The following TKT variants were observed in gnomAD, a reference collection of about 807,000 sequenced individuals.
TKT encodes epididymis luminal protein 107.
TKT carries 47 observed loss-of-function variants against 63.9 expected under a neutral mutation model. The observed-to-expected ratio is 0.74, with a 90% CI of 0.58 to 0.94. The LOEUF (loss-of-function observed/expected upper bound fraction) is 0.94. Ranked by LOEUF, TKT falls within the 40% of genes least tolerant of loss-of-function variation. TKT has a pLI of 0.00. For missense variants in TKT, 721 were observed against 846.2 expected, an observed-to-expected ratio of 0.85 and a Z score of 1.84; for synonymous variants, 338 against 334.1, an observed-to-expected ratio of 1.01 and a Z score of -0.13.
intron 1 of TKT, chr3:53,243,702 C>A: frequency 2.2e-6 from 1 of 447,560 alleles, no homozygotes; most frequent in Non-Finnish European, 4.5e-6. Context: ...GCTCCCAGTG[C>A]CAGCTTCAAC....
chr3:53,226,718 T>C (rs1553675574), intron 13 of TKT, 38 bp downstream of exon 13: 2 of 1,613,694 alleles, frequency 1.2e-6, no homozygotes, highest in Admixed American at 1.7e-5. Flanking sequence ...TCTCTGGCCC[T>C]GTCCCTTGCC....
At chr3:53,245,619 T>C (rs547998511) in intron 1 of TKT, among the ~76,000 whole-genome samples, 1 of 152,022 alleles carries the variant, frequency 6.6e-6, no homozygotes, top group South Asian at 2.1e-4. Context: ...ACCCCGTCTC[T>C]ACTAAAAATA....
chr3:53,236,785 C>T (rs1233744200), intron 4 of TKT, among the ~76,000 whole-genome samples: 1 of 152,222 alleles, frequency 6.6e-6, no homozygotes, highest in Non-Finnish European at 1.5e-5. Context: ...CCTACAGGGC[C>T]ATCAGGCTCA....
intron 1 of TKT, among the ~76,000 whole-genome samples, chr3:53,253,362 G>T (rs999617920): frequency 6.6e-6 from 1 of 152,068 alleles, no homozygotes; most frequent in Non-Finnish European, 1.5e-5. Context: ...ATGCTGCAGT[G>T]TGTGGCATGT....
intron 7 of TKT, 116 bp from the exon 8 acceptor site, chr3:53,230,737 A>T: frequency 7.9e-7 from 1 of 1,264,352 alleles, no homozygotes; most frequent in Non-Finnish European, 1.1e-6. Flanking sequence ...GAAGCCCTGG[A>T]GCACAAGGTC....
rs1475851495 is a variant in TKT at position 53,231,484 on chromosome 3, T to C, written c.815A>G (p.Gln272Arg). 4.3e-6 allele frequency: 7 copies of C among 1,614,064 alleles called. No homozygotes were observed. The highest frequency in any genetic ancestry group is 1.3e-5 in the African/African-American group (1 of 74,914). The change falls in exon 7 of 14, where the codon CAG (glutamine) becomes CGG (arginine). Residue 272 changes from glutamine (Q) to arginine (R), a missense_variant. Gln to Arg is a conservative substitution (Grantham distance 43, BLOSUM62 1). Coordinates refer to ENST00000462138, the MANE Select transcript of TKT (RefSeq NM_001064.4). Reference sequence around the variant, plus strand: ...GCTCTGGATCTGGCTGTAGATCTCCTGGATGATCTGCTCAGCCATGTTTTT... The same window carrying C: ...GCTCTGGATCTGGCTGTAGATCTCCCGGATGATCTGCTCAGCCATGTTTTT... ...LPKNMAEQIIQEIYSQIQSKK... is the reference protein window; with the variant it reads ...LPKNMAEQIIREIYSQIQSKK...
At chr3:53,232,585 G>A (rs1213927276) in intron 6 of TKT, 2 of 398,548 alleles carry the variant, frequency 5.0e-6, no homozygotes, top group African/African-American at 2.1e-5. Flanking sequence ...CCCAGGCCTA[G>A]GAATCTGAAG....
chr3:53,243,568 C>T, intron 1 of TKT: 1 of 456,626 alleles, frequency 2.2e-6, no homozygotes, highest in Admixed American at 2.3e-5. Context: ...CGCACACGAT[C>T]ATCTTATACT....
chr3:53,228,667 C>G, intron 10 of TKT: 1 of 502,362 alleles, frequency 2.0e-6, no homozygotes, highest in South Asian at 2.1e-5. Flanking sequence ...GGGTCTGTGG[C>G]ATGCAGCTCC....
At chr3:53,250,256 G>A (rs1233952912) in intron 1 of TKT, among the ~76,000 whole-genome samples, 2 of 152,208 alleles carry the variant, frequency 1.3e-5, no homozygotes, top group African/African-American at 4.8e-5. Context: ...GGCCCAGAGA[G>A]GCGGAGCCAC....
intron 4 of TKT, among the ~76,000 whole-genome samples, chr3:53,237,493 TATACAC>T (rs1559652149): frequency 3.2e-5 from 3 of 93,740 alleles, no homozygotes; most frequent in African/African-American, 4.4e-5. Flanking sequence ...GATTTTATAT[TATACAC>T]ACACACACAC....
At chr3:53,245,664 A>T (rs1362683317) in intron 1 of TKT, among the ~76,000 whole-genome samples, 1 of 152,094 alleles carries the variant, frequency 6.6e-6, no homozygotes, top group Non-Finnish European at 1.5e-5. Context: ...ACATGCCTAT[A>T]ATCCCAGCTA....
chr3:53,238,051 G>A (rs3821692), intron 4 of TKT: 24,312 of 152,184 alleles, frequency 0.16, 2,092 homozygotes, highest in Non-Finnish European at 0.19. Context: ...CGCTACCTCC[G>A]GGTGCCTGGC....
chr3:53,243,219 G>A (rs1343853201), intron 1 of TKT, among the ~76,000 whole-genome samples: 1 of 151,962 alleles, frequency 6.6e-6, no homozygotes, highest in Non-Finnish European at 1.5e-5. Context: ...CTGCTTCCCA[G>A]CAGGAAGCGC....
intron 6 of TKT, chr3:53,232,102 C>G: frequency 2.7e-6 from 1 of 367,602 alleles, no homozygotes; most frequent in Non-Finnish European, 4.8e-6. Context: ...GCCAGGAAGG[C>G]TGAATATCCC....
chr3:53,242,599 C>T (rs868959149), intron 1 of TKT, among the ~76,000 whole-genome samples: 6 of 152,176 alleles, frequency 3.9e-5, no homozygotes, highest in Admixed American at 2.6e-4. Context: ...GCTAGCACTG[C>T]GGCTGGGGGC....
intron 5 of TKT, 38 bp downstream of exon 5, chr3:53,234,945 G>A (rs992163384): frequency 4.5e-6 from 7 of 1,568,880 alleles, no homozygotes; most frequent in Non-Finnish European, 6.1e-6. Context: ...CCACTCTCCC[G>A]TGCTGTGACC....
At position 53,229,839 on chromosome 3, in the gene TKT, G is replaced by A. The variant is rs146340846; in HGVS notation, c.1108-403C>T. 7.2e-3 allele frequency among the ~76,000 whole-genome samples: 1,090 copies of A among 152,316 alleles called. 6 individuals carry two copies. The highest frequency in any genetic ancestry group is 0.022 in the African/African-American group (930 of 41,562). On this transcript the variant is annotated intron_variant, in intron 8 of 13. Transcript: ENST00000462138. The stretch of plus-strand genomic sequence containing the variant: ...CACAGAGAGAATTTCAGGTCCAGTT[G>A]GAAGAACTCTGGAGATCTGAGTGCC...
chr3:53,244,674 C>T (rs1705430474), intron 1 of TKT, among the ~76,000 whole-genome samples: 1 of 152,116 alleles, frequency 6.6e-6, no homozygotes, highest in South Asian at 2.1e-4. Flanking sequence ...TACATTTAAG[C>T]CTGTGGCCTC....
Sources: gnomAD v4.1 joint callset for allele counts (sites outside exome capture counted in the v4.1 genomes callset) on GRCh38, gnomAD v4.1.1 for gene constraint, MANE v1.5 for transcripts, NCBI Gene and HGNC (gene_info 2026-07-23, HGNC 2026-07-21) for gene names.